The following TTC34 variants were observed in gnomAD, a reference collection of about 807,000 sequenced individuals.
The protein encoded by TTC34 is tetratricopeptide repeat domain 34.
Under a neutral mutation model 40.7 loss-of-function variants are expected in TTC34, and 44 were observed. The observed-to-expected ratio is 1.08, with a 90% CI of 0.85 to 1.39. The LOEUF is 1.39. Ranked by LOEUF, TTC34 falls within the 40% of genes most tolerant of loss-of-function variation. The pLI, the probability that TTC34 is intolerant of heterozygous loss-of-function variation, is 0.00. For synonymous variants in TTC34, 422 were observed against 398.6 expected, an observed-to-expected ratio of 1.06 and a Z score of -0.70; for missense variants, 884 against 838.0, an observed-to-expected ratio of 1.05 and a Z score of -0.68.
At chr1:2,651,788 G>A (rs1024763511) in intron 6 of TTC34, among the ~76,000 whole-genome samples, 11 of 150,896 alleles carry the variant, frequency 7.3e-5, no homozygotes, top group Non-Finnish European at 1.0e-4. Flanking sequence ...TCTGACAGCC[G>A]GAAAAACACC....
rs540666986 is a variant in TTC34 at position 2,800,734 on chromosome 1, G to A, written c.94C>T (p.Leu32=). 10 of 398,832 alleles carry A rather than the reference G, an allele frequency of 2.5e-5. No homozygotes were observed. In the South Asian group the frequency reaches 1.3e-3, roughly 51 times the overall value. 24.7% of individuals were successfully genotyped at this position (398,832 alleles called of 1,614,324 possible). The change falls in exon 2 of 9, where the codon CTG becomes TTG. Residue 32 remains leucine (L), a synonymous_variant. Coordinates refer to ENST00000401095, the Ensembl canonical transcript of TTC34. Reference sequence around the variant, plus strand: ...GGGGCGTGGCAGCTGAATGCAGCCAGGTAGAAGGCGGTGGCCAGGGGCAGC... The same window carrying A: ...GGGGCGTGGCAGCTGAATGCAGCCAAGTAGAAGGCGGTGGCCAGGGGCAGC...
chr1:2,789,950 C>T (rs1307852476), exon 3 of TTC34: 4 of 393,076 alleles, frequency 1.0e-5, no homozygotes, highest in Non-Finnish European at 4.5e-6. Context: ...CAGGCGCTCG[C>T]ACATGGCCCG....
At chr1:2,685,873 C>A (rs558186157) in intron 6 of TTC34, among the ~76,000 whole-genome samples, 15 of 116,522 alleles carry the variant, frequency 1.3e-4, no homozygotes, top group East Asian at 5.5e-4. Context: ...GGAACAGCAC[C>A]CTGCACCCCC....
chr1:2,792,086 G>T (rs1390089004), intron 2 of TTC34, among the ~76,000 whole-genome samples: 4 of 135,662 alleles, frequency 2.9e-5, no homozygotes, highest in Admixed American at 2.5e-4. Flanking sequence ...GTGTAAATAC[G>T]GCTCACTGTA....
rs1640780617 is a variant in TTC34, at chr1:2,694,745, C to T, written c.2227-49182G>A. On this transcript the variant is annotated intron_variant, in intron 6 of 8. Coordinates refer to ENST00000401095, the Ensembl canonical transcript of TTC34. ...AGCATCTGACATCGTGGAGCAGCACCCCAAACCCACAGGTGAGCATCCGAC... is the reference window on the plus strand; with the variant it reads ...AGCATCTGACATCGTGGAGCAGCACTCCAAACCCACAGGTGAGCATCCGAC... Among the ~76,000 whole-genome samples, 2 of 83,088 alleles carry T rather than the reference C, an allele frequency of 2.4e-5. 1 individual carries two copies. Among genetic ancestry groups the T allele is most frequent in the Non-Finnish European group, 5.9e-5 (2 of 33,646 alleles). The allele number at this position is 83,088 out of a possible 152,430, so 54.5% of individuals were successfully genotyped here. A position where few individuals can be genotyped will look rare whatever the true frequency, so the allele number is the denominator to read the frequency against.
At chr1:2,752,828 C>G (rs1371900620) in intron 6 of TTC34, among the ~76,000 whole-genome samples, 2 of 18,122 alleles carry the variant, frequency 1.1e-4, no homozygotes, top group South Asian at 4.1e-3. Flanking sequence ...CAGGTGCGCA[C>G]CTGACAGACT....
At chr1:2,752,798 G>A (rs1393246048) in intron 6 of TTC34, among the ~76,000 whole-genome samples, 1 of 129,348 alleles carries the variant, frequency 7.7e-6, no homozygotes, top group Non-Finnish European at 1.6e-5. Context: ...GTGACAGCCT[G>A]GAACAGCTCC....
At chr1:2,750,967 C>T (rs1217868489) in intron 6 of TTC34, among the ~76,000 whole-genome samples, 4 of 112,026 alleles carry the variant, frequency 3.6e-5, no homozygotes, top group East Asian at 3.2e-4. Context: ...GCACCCACAC[C>T]CCCAGGTGCG....
At chr1:2,687,559 C>T (rs1409512225) in intron 6 of TTC34, among the ~76,000 whole-genome samples, 4 of 139,914 alleles carry the variant, frequency 2.9e-5, no homozygotes, top group Admixed American at 2.1e-4. Context: ...TGGAGCAGCA[C>T]GCTGCACCGC....
Position 2,768,617 on chromosome 1 carries a change from C to A in TTC34, c.2226+14992G>T, listed in dbSNP as rs1239981514. Among the ~76,000 whole-genome samples the A allele has an allele frequency of 2.0e-5, 3 of 151,966 alleles. No individual in the cohort carries two copies. The East Asian group carries it at 5.8e-4, about 29-fold the overall frequency. On this transcript the variant is annotated intron_variant, in intron 6 of 8. Coordinates refer to ENST00000401095, the Ensembl canonical transcript of TTC34. ...CAGCTGAAAGCCTGGAATGGTACCC[C>A]ACATGCAGGTGAGCATCCGACAGCC...
chr1:2,700,128 C>T (rs1460155974), intron 6 of TTC34, among the ~76,000 whole-genome samples: 1 of 115,686 alleles, frequency 8.6e-6, no homozygotes, highest in Non-Finnish European at 2.0e-5. Context: ...GAGCAGCATC[C>T]TCACCCCAGG....
At chr1:2,690,149 G>A (rs1382921072) in intron 6 of TTC34, among the ~76,000 whole-genome samples, 2 of 148,134 alleles carry the variant, frequency 1.4e-5, no homozygotes, top group Non-Finnish European at 1.5e-5. Context: ...CCCAAGGTGA[G>A]CATCTGACAT....
At chr1:2,750,632 A>C in intron 6 of TTC34, among the ~76,000 whole-genome samples, 1 of 151,884 alleles carries the variant, frequency 6.6e-6, no homozygotes, top group Admixed American at 6.6e-5. Context: ...GACAGCCTGG[A>C]GCAGCACCCA....
rs575979930 is a variant in TTC34 at position 2,692,369 on chromosome 1, G to C, written c.2227-46806C>G. Reference sequence around the variant, plus strand: ...ACCGAGGTGAGCATCTGACAGCCTGGAGCAGCGTCCACACCCCCAGGTGAG... The same window carrying C: ...ACCGAGGTGAGCATCTGACAGCCTGCAGCAGCGTCCACACCCCCAGGTGAG... On this transcript the variant is annotated intron_variant, in intron 6 of 8. Coordinates refer to ENST00000401095, the Ensembl canonical transcript of TTC34. 2.0e-3 allele frequency among the ~76,000 whole-genome samples: 142 copies of C among 70,276 alleles called. 38 individuals are homozygous for C. Among genetic ancestry groups the C allele is most frequent in the African/African-American group, 6.3e-3 (137 of 21,634 alleles). 46.1% of individuals were successfully genotyped at this position (70,276 alleles called of 152,430 possible).
At chr1:2,756,658 C>G (rs1262735985) in intron 6 of TTC34, among the ~76,000 whole-genome samples, 1,410 of 28,610 alleles carry the variant, frequency 0.049, no homozygotes, top group African/African-American at 0.11. Context: ...CCTGGAACAG[C>G]ACCCACACCC....
chr1:2,791,048 G>A (rs964560864), intron 2 of TTC34, among the ~76,000 whole-genome samples: 1 of 152,210 alleles, frequency 6.6e-6, no homozygotes, highest in Admixed American at 6.5e-5. Flanking sequence ...TACATCCAGT[G>A]CCTGGAAGGG....
intron 6 of TTC34, among the ~76,000 whole-genome samples, chr1:2,750,596 C>T (rs1641285509): frequency 6.8e-6 from 1 of 147,358 alleles, no homozygotes; most frequent in South Asian, 2.2e-4. Context: ...CGTGGAGCAG[C>T]ACCCCACACC....
At chr1:2,749,003 C>A (rs1641232580) in intron 6 of TTC34, among the ~76,000 whole-genome samples, 1 of 139,934 alleles carries the variant, frequency 7.1e-6, no homozygotes, top group Non-Finnish European at 1.5e-5. Flanking sequence ...CACCCACACG[C>A]CCAGGTGAGC....
At chr1:2,753,305 A>T (rs1287979620) in intron 6 of TTC34, among the ~76,000 whole-genome samples, 787 of 117,210 alleles carry the variant, frequency 6.7e-3, no homozygotes, top group Admixed American at 0.015. Flanking sequence ...CACCCAGGTG[A>T]GCATCCGACA....
Sources: gnomAD v4.1 joint callset for allele counts (sites outside exome capture counted in the v4.1 genomes callset) on GRCh38, gnomAD v4.1.1 for gene constraint, MANE v1.5 for transcripts, NCBI Gene and HGNC (gene_info 2026-07-23, HGNC 2026-07-21) for gene names.